Variants in IQSEC3 observed in about 807,000 individuals in gnomAD.
The protein encoded by IQSEC3 is IQ motif and SEC7 domain-containing protein 3.
A neutral mutation model predicts 105.4 loss-of-function variants in IQSEC3; 50 were observed. The observed-to-expected ratio is 0.47, with a 90% CI of 0.38 to 0.60. The LOEUF is 0.60. Among genes scored for constraint, IQSEC3 ranks in the 20% least tolerant of loss-of-function variants. The probability of loss-of-function intolerance (pLI) is 0.00; values close to 1 mark genes in which losing one functional copy is unlikely to be tolerated. For missense variants in IQSEC3, 1,415 were observed against 1,630.0 expected (o/e 0.87, Z 2.27); for synonymous variants, 708 against 746.0 (o/e 0.95, Z 0.83).
chr12:82,212 A>C (rs1555070861), intron 1 of IQSEC3, among the ~76,000 whole-genome samples: 2 of 152,172 alleles, frequency 1.3e-5, no homozygotes, highest in East Asian at 3.8e-4. Context: ...TGATTATGGT[A>C]CTCATATCTT....
In IQSEC3 at chr12:94,629, G is replaced by A. The variant is rs79096704; in HGVS notation, c.555-4517G>A. Reference sequence around the variant, plus strand: ...CCGGCCCAAGCCCAAGGTGCTGCAGGTCTTGGGGGCATTCAGTTACCCATC... The same window carrying A: ...CCGGCCCAAGCCCAAGGTGCTGCAGATCTTGGGGGCATTCAGTTACCCATC... On this transcript the variant is annotated intron_variant, in intron 1 of 13. Transcript: ENST00000538872. Among the ~76,000 whole-genome samples the A allele has an allele frequency of 4.9e-3, 749 of 152,350 alleles. 22 individuals carry two copies. Among genetic ancestry groups the A allele is most frequent in the Admixed American group, 0.037 (569 of 15,304 alleles).
intron 6 of IQSEC3, 66 bp downstream of exon 6, chr12:157,213 C>G (rs1269237919): frequency 2.7e-6 from 4 of 1,459,340 alleles, no homozygotes; most frequent in Non-Finnish European, 3.6e-6. Flanking sequence ...CCGCTGTGAG[C>G]CTGGGAGACA....
chr12:134,810 T>A (rs1402136216), intron 3 of IQSEC3, among the ~76,000 whole-genome samples: 1 of 139,006 alleles, frequency 7.2e-6, no homozygotes, highest in Non-Finnish European at 1.5e-5. Flanking sequence ...AGGTGGGGTA[T>A]AAATAGGCCA....
intron 7 of IQSEC3, 78 bp downstream of exon 7, chr12:157,772 T>C (rs1433016461): frequency 3.2e-5 from 47 of 1,462,388 alleles, no homozygotes; most frequent in Non-Finnish European, 2.2e-5. Context: ...ATTCTGTGAG[T>C]CTGAGCCCCT....
intron 1 of IQSEC3, among the ~76,000 whole-genome samples, chr12:83,053 C>T (rs1555071079): frequency 6.6e-6 from 1 of 152,208 alleles, no homozygotes; most frequent in South Asian, 2.1e-4. Context: ...ACTCACTTAT[C>T]GTCGCATACA....
intron 5 of IQSEC3, among the ~76,000 whole-genome samples, chr12:153,424 G>A (rs1866576029): frequency 6.6e-6 from 1 of 152,150 alleles, no homozygotes; most frequent in Non-Finnish European, 1.5e-5. Context: ...CGTGCCTCCG[G>A]GTGCCAGTCC....
intron 2 of IQSEC3, among the ~76,000 whole-genome samples, chr12:121,103 A>G (rs1317187752): frequency 6.6e-6 from 1 of 152,178 alleles, no homozygotes; most frequent in Non-Finnish European, 1.5e-5. Context: ...AGAGAATCCC[A>G]TCCACATACT....
intron 2 of IQSEC3, among the ~76,000 whole-genome samples, chr12:103,987 G>A (rs1355042809): frequency 2.0e-5 from 3 of 148,288 alleles, no homozygotes; most frequent in African/African-American, 7.5e-5. Flanking sequence ...GGGTCTAAGG[G>A]GCACTCTGAG....
intron 1 of IQSEC3, among the ~76,000 whole-genome samples, chr12:92,236 G>C (rs1421543775): frequency 6.6e-6 from 1 of 152,178 alleles, no homozygotes; most frequent in African/African-American, 2.4e-5. Flanking sequence ...TTCCCTCAAG[G>C]AACATGGCCC....
chr12:81,520 C>G (rs1210046766), intron 1 of IQSEC3, among the ~76,000 whole-genome samples: 4 of 152,052 alleles, frequency 2.6e-5, no homozygotes, highest in Non-Finnish European at 5.9e-5. Flanking sequence ...CCTGAGGGAT[C>G]AGTGTGGGAT....
intron 2 of IQSEC3, among the ~76,000 whole-genome samples, chr12:114,159 A>C (rs1284380428): frequency 2.0e-5 from 3 of 152,246 alleles, no homozygotes; most frequent in African/African-American, 7.2e-5. Flanking sequence ...CGTGCTAGCT[A>C]TGTTAAAGCT....
intron 2 of IQSEC3, among the ~76,000 whole-genome samples, chr12:109,616 CT>C (rs141457363): frequency 0.32 from 48,389 of 151,724 alleles, 8,239 homozygotes; most frequent in Non-Finnish European, 0.38. Context: ...CCCCTTCTCA[CT>C]TGCATCCCCC....
rs1327853316 is a variant in IQSEC3 at position 174,693 on chromosome 12, G to A, written c.3209G>A (p.Ser1070Asn). ...APVPPPDLQPSPPRQQTPPLP... is the reference protein window; with the variant it reads ...APVPPPDLQPNPPRQQTPPLP... ...GTGCCGCCGCCAGACCTGCAGCCTA[G>A]CCCCCCGAGACAGCAGACCCCACCA... The change falls in exon 14 of 14, where the codon AGC becomes AAC. Residue 1070 changes from serine (S) to asparagine (N), a missense_variant. Ser to Asn is a conservative substitution (Grantham distance 46, BLOSUM62 1). This residue lies in a region of IQSEC3 where 419 missense variants were observed against 436.2 expected (regional missense o/e 0.96). Coordinates refer to ENST00000538872, the MANE Select transcript of IQSEC3 (RefSeq NM_001170738.2). 2 of 1,592,674 alleles carry A rather than the reference G, an allele frequency of 1.3e-6. No individual in the cohort carries two copies. Among genetic ancestry groups the A allele is most frequent in the Admixed American group, 1.7e-5 (1 of 59,510 alleles).
intron 1 of IQSEC3, among the ~76,000 whole-genome samples, chr12:92,585 T>G (rs1864122579): frequency 6.6e-6 from 1 of 152,186 alleles, no homozygotes. Flanking sequence ...CCTCTCTCCT[T>G]TCTTTACTTC....
intron 1 of IQSEC3, among the ~76,000 whole-genome samples, chr12:93,477 T>G (rs548588740): frequency 4.7e-4 from 72 of 152,192 alleles, no homozygotes; most frequent in Middle Eastern, 3.4e-3. Flanking sequence ...GGTGGCAGTG[T>G]TCCAGGGAGG....
intron 12 of IQSEC3, among the ~76,000 whole-genome samples, 160 bp downstream of exon 12, chr12:169,265 T>C (rs1335661909): frequency 6.6e-6 from 1 of 152,146 alleles, no homozygotes; most frequent in East Asian, 1.9e-4. Context: ...TCATGAGCTT[T>C]AGTGGTGGGA....
intron 3 of IQSEC3, among the ~76,000 whole-genome samples, chr12:126,449 T>C (rs916615281): frequency 3.3e-5 from 5 of 151,900 alleles, no homozygotes; most frequent in Non-Finnish European, 1.5e-5. Context: ...CATTTTCCAT[T>C]CAGGAAGAGA....
intron 1 of IQSEC3, among the ~76,000 whole-genome samples, chr12:73,163 AC>A (rs1863392733): frequency 6.6e-6 from 1 of 151,208 alleles, no homozygotes; most frequent in Non-Finnish European, 1.5e-5. Flanking sequence ...ATTTCAGGTA[AC>A]CACTGGATCA....
In IQSEC3 at chr12:175,142, A is replaced by C; in HGVS notation, c.*109A>C. Reference sequence around the variant, plus strand: ...CACGATGCGTTCCTGGTCACTGATCACCATCATTTTGGGAAGAGAATCCCA... The same window carrying C: ...CACGATGCGTTCCTGGTCACTGATCCCCATCATTTTGGGAAGAGAATCCCA... On this transcript the variant is annotated 3_prime_UTR_variant, in exon 14 of 14. Transcript: ENST00000538872. 1.1e-6 allele frequency: 1 copy of C among 882,478 alleles called. No individual in the cohort carries two copies. Among genetic ancestry groups the C allele is most frequent in the Non-Finnish European group, 1.7e-6 (1 of 603,702 alleles). 54.7% of individuals were successfully genotyped at this position (882,478 alleles called of 1,614,324 possible). A position where few individuals can be genotyped will look rare whatever the true frequency, so the allele number is the denominator to read the frequency against.
Sources: allele counts gnomAD v4.1 joint callset (sites outside exome capture counted in the v4.1 genomes callset), GRCh38; gene constraint gnomAD v4.1.1; regional missense constraint gnomAD v4.1.1; transcripts MANE v1.5; gene names NCBI Gene and HGNC (gene_info 2026-07-23, HGNC 2026-07-21).